Variants in CKAP2 observed in about 807,000 individuals in gnomAD.
The protein encoded by CKAP2 is cytoskeleton associated protein 2.
In CKAP2, 46 loss-of-function variants were observed where a neutral mutation model predicts 58.4. That is an observed-to-expected ratio of 0.79 (90% CI 0.62 to 1.01). The LOEUF is 1.01. Ranked by LOEUF, CKAP2 falls within the 50% of genes least tolerant of loss-of-function variation. CKAP2 has a pLI of 0.00. For missense variants in CKAP2, 809 were observed against 796.4 expected, an observed-to-expected ratio of 1.02 and a Z score of -0.19; for synonymous variants, 293 against 280.9, an observed-to-expected ratio of 1.04 and a Z score of -0.43.
At position 52,468,491 on chromosome 13, in the gene CKAP2, T is replaced by G. The variant is rs930725159; in HGVS notation, c.1546+144T>G. The G allele has an allele frequency of 1.0e-5, 6 of 576,848 alleles. No homozygotes were observed. The Admixed American group carries it at 1.9e-4, about 19-fold the overall frequency. 35.7% of individuals were successfully genotyped at this position (576,848 alleles called of 1,614,324 possible). A position where few individuals can be genotyped will look rare whatever the true frequency, so the allele number is the denominator to read the frequency against. Reference sequence around the variant, plus strand: ...GTAAATGTGTGTCATGGGGGTTTGTTGTACAGATTATTTTATCACCCAGGT... The same window carrying G: ...GTAAATGTGTGTCATGGGGGTTTGTGGTACAGATTATTTTATCACCCAGGT... On this transcript the variant is annotated intron_variant, in intron 7 of 8. Coordinates refer to ENST00000258607, the MANE Select transcript of CKAP2 (RefSeq NM_018204.5).
Position 52,455,922 on chromosome 13 carries a change from G to A in CKAP2, c.70+296G>A, listed in dbSNP as rs1266352098. 38 of 1,160,492 alleles carry A rather than the reference G, an allele frequency of 3.3e-5. 1 individual carries two copies. The highest frequency in any genetic ancestry group is 4.9e-5 in the Admixed American group (1 of 20,490). 71.9% of individuals were successfully genotyped at this position (1,160,492 alleles called of 1,614,324 possible). A position where few individuals can be genotyped will look rare whatever the true frequency, so the allele number is the denominator to read the frequency against. The stretch of plus-strand genomic sequence containing the variant: ...GGGCCTCAGGCCGGGGTCGGTGTCG[G>A]AGACCCTGGGTCCGCTTGGGGGCGG... On this transcript the variant is annotated intron_variant, in intron 1 of 8. Coordinates refer to ENST00000258607, the MANE Select transcript of CKAP2 (RefSeq NM_018204.5).
chr13:52,460,940 A>G lies in CKAP2; in HGVS notation c.197A>G (p.Glu66Gly), dbSNP rs767214221. The change falls in exon 3 of 9, where the codon GAA (glutamate) becomes GGA (glycine). Residue 66 changes from glutamate (E) to glycine (G), a missense_variant. Coordinates refer to ENST00000258607, the MANE Select transcript of CKAP2 (RefSeq NM_018204.5). ...RVVTSEDQVQ[E>G]GTKVLKLKTK... ...GTGACATCTGAGGACCAAGTTCAAGAAGGGACTAAAGTGCTGAAACTTAAA... is the reference window on the plus strand; with the variant it reads ...GTGACATCTGAGGACCAAGTTCAAGGAGGGACTAAAGTGCTGAAACTTAAA... The G allele has an allele frequency of 2.0e-5, 32 of 1,613,400 alleles. No homozygotes were observed. The highest frequency in any genetic ancestry group is 2.7e-5 in the Non-Finnish European group (32 of 1,179,934).
intron 1 of CKAP2, chr13:52,456,280 T>A: frequency 1.3e-6 from 1 of 799,024 alleles, no homozygotes; most frequent in Non-Finnish European, 1.7e-6. Context: ...TCTCCAGATT[T>A]TTCACAGGGA....
intron 7 of CKAP2, among the ~76,000 whole-genome samples, chr13:52,471,412 T>A (rs1958759952): frequency 6.6e-6 from 1 of 152,048 alleles, no homozygotes; most frequent in Admixed American, 6.6e-5. Context: ...TTCTGAAATG[T>A]ATAATTGTAA....
intron 6 of CKAP2, among the ~76,000 whole-genome samples, chr13:52,466,242 T>C (rs1339695660): frequency 4.6e-5 from 7 of 152,166 alleles, no homozygotes; most frequent in Admixed American, 3.9e-4. Context: ...TTTGGTTGGG[T>C]TTTTGTTTTT....
Position 52,475,006 on chromosome 13 carries a change from A to C in CKAP2, c.1914A>C (p.Pro638=), listed in dbSNP as rs764352565. ...TTCAAGAGAAAACTTCTAAATTGCC[A>C]GATATGTTAAAAGATCATTATCCTT... is the stretch of plus-strand genomic sequence containing the variant. ...RRLQEKTSKL[P]DMLKDHYPCV... The change falls in exon 9 of 9, where the codon CCA becomes CCC. Residue 638 remains proline, a synonymous_variant. Coordinates refer to ENST00000258607, the MANE Select transcript of CKAP2 (RefSeq NM_018204.5). 1.9e-6 allele frequency: 3 copies of C among 1,614,130 alleles called. No homozygotes were observed. The Admixed American group carries it at 5.0e-5, about 27-fold the overall frequency.
intron 7 of CKAP2, among the ~76,000 whole-genome samples, chr13:52,469,935 A>G (rs189498143): frequency 1.3e-5 from 2 of 152,254 alleles, no homozygotes; most frequent in Non-Finnish European, 2.9e-5. Flanking sequence ...TAGTAAAGTC[A>G]TTAAACTGTA....
chr13:52,467,843 T>C (rs1958703391), intron 6 of CKAP2, among the ~76,000 whole-genome samples: 1 of 151,082 alleles, frequency 6.6e-6, no homozygotes. Flanking sequence ...GGAGTCTCAC[T>C]CTCTCGCCCA....
chr13:52,471,082 C>T (rs1403847179), intron 7 of CKAP2, among the ~76,000 whole-genome samples: 8 of 151,942 alleles, frequency 5.3e-5, no homozygotes, highest in Non-Finnish European at 7.4e-5. Flanking sequence ...CTCTTGAACC[C>T]GGGAAGTGGA....
At position 52,476,502 on chromosome 13, in the gene CKAP2, C is replaced by T. The variant is rs181058098; in HGVS notation, c.*1361C>T. Reference sequence around the variant, plus strand: ...TGCTTAATGATATATTTTCAAAAGTCATCAGTCTACTTACATAAACTTTAC... The same window carrying T: ...TGCTTAATGATATATTTTCAAAAGTTATCAGTCTACTTACATAAACTTTAC... On this transcript the variant is annotated 3_prime_UTR_variant, in exon 9 of 9. Coordinates refer to ENST00000258607, the MANE Select transcript of CKAP2 (RefSeq NM_018204.5). 2.4e-4 allele frequency: 37 copies of T among 152,288 alleles called. No individual in the cohort carries two copies. The highest frequency in any genetic ancestry group is 8.7e-4 in the African/African-American group (36 of 41,568). 9.4% of individuals were successfully genotyped at this position (152,288 alleles called of 1,614,324 possible). A position where few individuals can be genotyped will look rare whatever the true frequency, so the allele number is the denominator to read the frequency against.
At chr13:52,467,657 C>T (rs1357773674) in intron 6 of CKAP2, among the ~76,000 whole-genome samples, 3 of 151,526 alleles carry the variant, frequency 2.0e-5, no homozygotes, top group African/African-American at 7.3e-5. Flanking sequence ...TACAATGAGC[C>T]GAGATCGCAC....
At chr13:52,465,951 A>ATATACACATATG (rs1326165370) in intron 6 of CKAP2, 7 of 289,348 alleles carry the variant, frequency 2.4e-5, no homozygotes, top group Non-Finnish European at 4.7e-5. Flanking sequence ...ATACACATAT[A>ATATACACATATG]TATGCACACA....
intron 2 of CKAP2, among the ~76,000 whole-genome samples, chr13:52,459,299 G>A (rs1234854118): frequency 6.6e-6 from 1 of 151,986 alleles, no homozygotes; most frequent in Non-Finnish European, 1.5e-5. Context: ...TATGTCAAAT[G>A]TAAAATATAT....
chr13:52,460,840 A>G, intron 2 of CKAP2, 59 bp from the exon 3 acceptor site: 1 of 1,455,176 alleles, frequency 6.9e-7, no homozygotes, highest in Non-Finnish European at 9.4e-7. Flanking sequence ...TTCCTCCCCA[A>G]AAGGAAGCCT....
In CKAP2 at chr13:52,461,854, G is replaced by A. The variant is rs752237934; in HGVS notation, c.1028G>A (p.Arg343Gln). The A allele has an allele frequency of 9.3e-6, 15 of 1,614,054 alleles. No individual in the cohort carries two copies. The highest frequency in any genetic ancestry group is 1.2e-5 in the Non-Finnish European group (14 of 1,179,998). Reference sequence around the variant, plus strand: ...GAAAAGTCAGAGCCCGTTGACCAGCGAAGACATACTGCAGGAAAAGCAATT... The same window carrying A: ...GAAAAGTCAGAGCCCGTTGACCAGCAAAGACATACTGCAGGAAAAGCAATT... ...LMEKSEPVDQRRHTAGKAIVD... is the reference protein window; with the variant it reads ...LMEKSEPVDQQRHTAGKAIVD... Residue 343 changes from arginine (R) to glutamine (Q), a missense_variant, in exon 4 of 9, where the codon CGA becomes CAA. By Grantham distance (43) the Arg-to-Gln change is conservative (BLOSUM62 1). Around this residue, in one of 3 missense-constraint regions of CKAP2, gnomAD observed 523 missense variants for 492.4 expected, o/e 1.06. Coordinates refer to ENST00000258607, the MANE Select transcript of CKAP2 (RefSeq NM_018204.5).
rs1430077774 is a variant in CKAP2, at chr13:52,474,028, A to G, written c.1746A>G (p.Glu582=). ...ATGATGTTAAAACCCCCAATACAGA[A>G]ACGAGGACAAGTTGCTTAATTAAAT... ...PTHDVKTPNT[E]TRTSCLIKYN... The change falls in exon 8 of 9, where the codon GAA becomes GAG. Residue 582 remains glutamate, a synonymous_variant. Transcript: ENST00000258607. 6.2e-7 allele frequency: 1 copy of G among 1,614,002 alleles called. No homozygotes were observed. The highest frequency in any genetic ancestry group is 8.5e-7 in the Non-Finnish European group (1 of 1,179,898).
rs1004949995 is a variant in CKAP2, at chr13:52,476,479, C to T, written c.*1338C>T. The T allele has an allele frequency of 5.9e-5, 9 of 152,182 alleles. No individual in the cohort carries two copies. Among genetic ancestry groups the T allele is most frequent in the Middle Eastern group, 3.2e-3 (1 of 316 alleles). 9.4% of individuals were successfully genotyped at this position (152,182 alleles called of 1,614,324 possible). ...GAGGTTTTTGACACTTAAGTACATG[C>T]TTAATGATATATTTTCAAAAGTCAT... On this transcript the variant is annotated 3_prime_UTR_variant, in exon 9 of 9. Transcript: ENST00000258607.
In CKAP2 at chr13:52,468,288, A is replaced by T; in HGVS notation, c.1487A>T (p.Glu496Val). The T allele has an allele frequency of 6.3e-7, 1 of 1,595,098 alleles. No individual in the cohort carries two copies. Among genetic ancestry groups the T allele is most frequent in the African/African-American group, 1.3e-5 (1 of 74,104 alleles). The change falls in exon 7 of 9, where the codon GAG (glutamate) becomes GTG (valine). Residue 496 changes from glutamate (E) to valine (V), a missense_variant. Glu to Val is a moderately radical substitution (Grantham distance 121, BLOSUM62 -2). This residue lies in a region of CKAP2 where 283 missense variants were observed against 287.6 expected (regional missense o/e 0.98). Coordinates refer to ENST00000258607, the MANE Select transcript of CKAP2 (RefSeq NM_018204.5). The part of the protein sequence containing the change: ...AILAGAQPIE[E>V]MRHTIVDILT... ...ATTAAAAAAATTAAGCCTATTGAAG[A>T]GATGCGACACACGATTGTAGATATT...
intron 2 of CKAP2, among the ~76,000 whole-genome samples, chr13:52,458,857 C>CA (rs900395744): frequency 0.043 from 4,264 of 98,314 alleles, 153 homozygotes; most frequent in African/African-American, 0.12. Context: ...GACTTTGTCT[C>CA]AAAAAAAAAA....
Sources: gnomAD v4.1 joint callset for allele counts (sites outside exome capture counted in the v4.1 genomes callset) on GRCh38, gnomAD v4.1.1 for gene constraint, gnomAD v4.1.1 regional missense constraint, MANE v1.5 for transcripts, NCBI Gene and HGNC (gene_info 2026-07-23, HGNC 2026-07-21) for gene names.